PLBD1: variants seen among roughly 807,000 people sequenced by gnomAD.
PLBD1 encodes the protein phospholipase B domain containing 1, also known as lysosomal leucine aminopeptidase.
PLBD1 carries 60 observed loss-of-function variants against 63.0 expected under a neutral mutation model. The observed-to-expected ratio is 0.95, with a 90% CI of 0.77 to 1.18. The LOEUF (loss-of-function observed/expected upper bound fraction) is 1.18. Among genes scored for constraint, PLBD1 ranks in the 50% most tolerant of loss-of-function variants. The probability of loss-of-function intolerance (pLI) is 0.00; values close to 1 mark genes in which losing one functional copy is unlikely to be tolerated. For synonymous variants in PLBD1, 262 were observed against 248.0 expected (o/e 1.06, Z -0.53); for missense variants, 598 against 677.9 (o/e 0.88, Z 1.31).
At chr12:14,505,118 TTTTTTTA>T (rs768359553) in intron 10 of PLBD1, among the ~76,000 whole-genome samples, 1 of 135,538 alleles carries the variant, frequency 7.4e-6, no homozygotes, top group Non-Finnish European at 1.7e-5. Flanking sequence ...TTTTTTTTTT[TTTTTTTA>T]ATGTTAACAT....
chr12:14,514,341 C>T (rs528628783), intron 6 of PLBD1, among the ~76,000 whole-genome samples: 7 of 152,240 alleles, frequency 4.6e-5, no homozygotes, highest in African/African-American at 1.7e-4. Flanking sequence ...GAGAAAGCTC[C>T]CTGGTAGATA....
intron 6 of PLBD1, chr12:14,531,217 T>A (rs566373761): frequency 1.2e-3 from 183 of 152,322 alleles, no homozygotes; most frequent in African/African-American, 4.3e-3. Flanking sequence ...CCAGGTACCA[T>A]CTCTTTGTAT....
intron 2 of PLBD1, among the ~76,000 whole-genome samples, chr12:14,551,525 A>C (rs1437894244): frequency 6.6e-6 from 1 of 152,202 alleles, no homozygotes; most frequent in Non-Finnish European, 1.5e-5. Flanking sequence ...CACCTTCAAA[A>C]GTGGCTGCTA....
intron 1 of PLBD1, among the ~76,000 whole-genome samples, chr12:14,563,972 C>T (rs956907705): frequency 1.3e-5 from 2 of 152,230 alleles, no homozygotes; most frequent in African/African-American, 4.8e-5. Context: ...GGTGCAGTGG[C>T]GGTCGCCTGA....
At chr12:14,517,280 G>T (rs1249631445) in intron 6 of PLBD1, among the ~76,000 whole-genome samples, 1 of 151,996 alleles carries the variant, frequency 6.6e-6, no homozygotes, top group South Asian at 2.1e-4. Context: ...TGAGTAGCTG[G>T]GGCTACAGGC....
chr12:14,540,166 A>T (rs1945560665), intron 4 of PLBD1, among the ~76,000 whole-genome samples: 1 of 141,672 alleles, frequency 7.1e-6, no homozygotes, highest in African/African-American at 2.6e-5. Flanking sequence ...TAAATGTAAC[A>T]TGTTATATAA....
chr12:14,525,725 A>T (rs61922698), intron 6 of PLBD1, among the ~76,000 whole-genome samples: 138,242 of 151,842 alleles, frequency 0.91, 64,101 homozygotes, highest in Non-Finnish European at 0.99. Flanking sequence ...GCACACACAC[A>T]CTTGTTTTAA....
At chr12:14,565,393 G>A (rs768133521) in intron 1 of PLBD1, among the ~76,000 whole-genome samples, 3 of 151,624 alleles carry the variant, frequency 2.0e-5, no homozygotes, top group African/African-American at 7.3e-5. Flanking sequence ...TTGAACCAAA[G>A]AGGTGGAGGT....
intron 1 of PLBD1, among the ~76,000 whole-genome samples, chr12:14,567,331 C>A (rs1177109054): frequency 6.6e-6 from 1 of 152,226 alleles, no homozygotes; most frequent in Non-Finnish European, 1.5e-5. Flanking sequence ...AGGAGCGAAC[C>A]GATTTGTTGG....
chr12:14,550,092 C>G (rs754931324), intron 2 of PLBD1, among the ~76,000 whole-genome samples: 6 of 152,218 alleles, frequency 3.9e-5, no homozygotes, highest in Non-Finnish European at 8.8e-5. Flanking sequence ...CAGTAGTTCT[C>G]TTCTATCAAG....
chr12:14,566,022 G>C (rs917556926), intron 1 of PLBD1, among the ~76,000 whole-genome samples: 2 of 152,074 alleles, frequency 1.3e-5, no homozygotes, highest in African/African-American at 2.4e-5. Context: ...GAAAAACAAC[G>C]CCTGTCTCAC....
intron 7 of PLBD1, 51 bp from the exon 8 acceptor site, chr12:14,511,451 T>G: frequency 6.2e-7 from 1 of 1,613,712 alleles, no homozygotes; most frequent in Non-Finnish European, 8.5e-7. Flanking sequence ...CTTTACTGGT[T>G]AACAAGCCTA....
At chr12:14,521,429 A>G (rs78726259) in intron 6 of PLBD1, among the ~76,000 whole-genome samples, 2,246 of 152,140 alleles carry the variant, frequency 0.015, 51 homozygotes, top group African/African-American at 0.05. Flanking sequence ...GGCGCATGAA[A>G]CAAACTGGCA....
At position 14,567,841 on chromosome 12, in the gene PLBD1, C is replaced by G. The variant is rs1037552433; in HGVS notation, c.-145G>C. ...CCTCAACTTTCCTCTTTCTTGAGCC[C>G]GGCCTGCTCCGGGCTCTGAGGGGCG... On this transcript the variant is annotated 5_prime_UTR_variant, in exon 1 of 11. Transcript: ENST00000240617. The G allele has an allele frequency of 8.7e-7, 1 of 1,150,676 alleles. No individual in the cohort carries two copies. The highest frequency in any genetic ancestry group is 1.1e-6 in the Non-Finnish European group (1 of 881,296). 71.3% of individuals were successfully genotyped at this position (1,150,676 alleles called of 1,614,324 possible). A position where few individuals can be genotyped will look rare whatever the true frequency, so the allele number is the denominator to read the frequency against.
At chr12:14,520,131 T>C (rs1945364517) in intron 6 of PLBD1, among the ~76,000 whole-genome samples, 1 of 152,182 alleles carries the variant, frequency 6.6e-6, no homozygotes, top group African/African-American at 2.4e-5. Flanking sequence ...AGAACTGAGA[T>C]AGGTGAGTTT....
At chr12:14,529,480 AAATC>A (rs1408411246) in intron 6 of PLBD1, among the ~76,000 whole-genome samples, 1 of 152,204 alleles carries the variant, frequency 6.6e-6, no homozygotes, top group Non-Finnish European at 1.5e-5. Flanking sequence ...TAACATCTGA[AAATC>A]AATCAATGTA....
chr12:14,559,911 A>G (rs944105663), intron 1 of PLBD1, among the ~76,000 whole-genome samples: 1 of 150,414 alleles, frequency 6.6e-6, no homozygotes, highest in Non-Finnish European at 1.5e-5. Flanking sequence ...CCCAGGCTGG[A>G]GTGCAATGGT....
At chr12:14,541,837 C>T (rs1370589176) in intron 3 of PLBD1, among the ~76,000 whole-genome samples, 1 of 152,150 alleles carries the variant, frequency 6.6e-6, no homozygotes, top group Non-Finnish European at 1.5e-5. Context: ...GATTAGTAAG[C>T]AGGCTCATGA....
chr12:14,567,632 AGC>A lies in PLBD1; in HGVS notation c.63_64del (p.Leu22AlafsTer29). On this transcript the variant is annotated frameshift_variant, in exon 1 of 11. Coordinates refer to ENST00000240617, the MANE Select transcript of PLBD1 (RefSeq NM_024829.6). LOFTEE classifies it high-confidence loss of function. Reference sequence around the variant, plus strand: ...GACTAACAACAGCGGCAGCAGCAGCAGCAGCAGCAGAAGCGGTGGCGGCTGTG... The same window carrying A: ...GACTAACAACAGCGGCAGCAGCAGCAAGCAGCAGAAGCGGTGGCGGCTGTG... The A allele has an allele frequency of 6.7e-7, 1 of 1,498,682 alleles. No individual in the cohort carries two copies. Among genetic ancestry groups the A allele is most frequent in the Middle Eastern group, 2.0e-4 (1 of 4,946 alleles). 92.8% of individuals were successfully genotyped at this position (1,498,682 alleles called of 1,614,324 possible).
Sources: gnomAD v4.1 joint callset for allele counts (sites outside exome capture counted in the v4.1 genomes callset) on GRCh38, gnomAD v4.1.1 for gene constraint, MANE v1.5 for transcripts, NCBI Gene and HGNC (gene_info 2026-07-23, HGNC 2026-07-21) for gene names.